Variants in GRID2IP observed in about 807,000 individuals in gnomAD.
GRID2IP encodes the protein delphilin.
In GRID2IP, 78 loss-of-function variants were observed where a neutral mutation model predicts 114.3. The ratio of observed to expected loss-of-function variants is 0.68; its 90% CI spans 0.57 to 0.82. The LOEUF (loss-of-function observed/expected upper bound fraction) is 0.82. Ranked by LOEUF, GRID2IP falls within the 40% of genes least tolerant of loss-of-function variation. The pLI is 0.00. For synonymous variants in GRID2IP, 809 were observed against 724.0 expected (o/e 1.12, Z -1.89); for missense variants, 1,727 against 1,678.5 (o/e 1.03, Z -0.51).
intron 14 of GRID2IP, 109 bp downstream of exon 14, chr7:6,505,711 G>A (rs1786558747): frequency 2.9e-6 from 2 of 699,700 alleles, no homozygotes; most frequent in Non-Finnish European, 5.0e-6. Flanking sequence ...AAGGCTTGAG[G>A]ACGCATCAGG....
intron 2 of GRID2IP, 92 bp downstream of exon 2, chr7:6,539,626 G>C: frequency 8.2e-7 from 1 of 1,222,086 alleles, no homozygotes; most frequent in Non-Finnish European, 1.1e-6. Flanking sequence ...CTCCCACCTG[G>C]GCTGGAAGGG....
chr7:6,521,852 C>A lies in GRID2IP; in HGVS notation c.989+36G>T. 1 of 1,490,466 alleles carries A rather than the reference C, an allele frequency of 6.7e-7. No homozygotes were observed. The highest frequency in any genetic ancestry group is 9.2e-7 in the Non-Finnish European group (1 of 1,091,682). 92.3% of individuals were successfully genotyped at this position (1,490,466 alleles called of 1,614,324 possible). On this transcript the variant is annotated intron_variant, in intron 5 of 21. Transcript: ENST00000457091. The surrounding 1 kb of genome is among the most constrained non-coding windows in gnomAD (Gnocchi z 4.1). ...AGTCTTGCAGGGGGTGGGGGCAGCT[C>A]CTCACCAACCCCTGGTGTCCCCAAT... is the stretch of plus-strand genomic sequence containing the variant.
At chr7:6,538,027 AGAGT>A in intron 2 of GRID2IP, among the ~76,000 whole-genome samples, 1 of 152,208 alleles carries the variant, frequency 6.6e-6, no homozygotes, top group Non-Finnish European at 1.5e-5. Context: ...ATTCAGTGAA[AGAGT>A]GTTCCTCTAG....
At chr7:6,498,347 G>GCCAGGCCCTGTGTCCAACAGGGAA (rs1378678969) in intron 20 of GRID2IP, 119 bp from the exon 21 acceptor site, 12 of 905,674 alleles carry the variant, frequency 1.3e-5, no homozygotes, top group Non-Finnish European at 1.8e-5. Flanking sequence ...CCTTCCAAGG[G>GCCAGGCCCTGTGTCCAACAGGGAA]CCAGGCCCTG....
chr7:6,514,945 C>G (rs1014000205), intron 7 of GRID2IP, among the ~76,000 whole-genome samples: 3 of 142,904 alleles, frequency 2.1e-5, no homozygotes, highest in African/African-American at 8.1e-5. Flanking sequence ...GAGTGAGACT[C>G]CAACTCAAAA....
rs1311313712 is a variant in GRID2IP, at chr7:6,510,683, G to T, written c.1579C>A (p.Pro527Thr). 6.5e-7 allele frequency: 1 copy of T among 1,546,728 alleles called. No individual in the cohort carries two copies. Among genetic ancestry groups the T allele is most frequent in the African/African-American group, 1.4e-5 (1 of 72,734 alleles). ...CGCTCGCCTGGGATCAGGGGAAGAG[G>T]CATCTCAGGGCACTCGCTGGGACCT... is the stretch of plus-strand genomic sequence containing the variant. ...SCGPSECPEM[P>T]LPLIPGERQA... is the part of the protein sequence containing the mutation. Residue 527 changes from proline (P) to threonine (T), a missense_variant, in exon 10 of 22, where the codon CCT becomes ACT. Physicochemically the swap from Pro to Thr is conservative, Grantham distance 38. Coordinates refer to ENST00000457091, the MANE Select transcript of GRID2IP (RefSeq NM_001145118.2).
In GRID2IP at chr7:6,532,855, C is replaced by A. The variant is rs923775457; in HGVS notation, c.585-6086G>T. ...CCAGGGTCAAATCCAGGCACGCTAC[C>A]TCAGAGCCAGGTCTCCGTGGGCACA... On this transcript the variant is annotated intron_variant, in intron 2 of 21. Transcript: ENST00000457091. The surrounding 1 kb of genome is among the most constrained non-coding windows in gnomAD (Gnocchi z 4.4). Among the ~76,000 whole-genome samples, 1 of 152,198 alleles carries A rather than the reference C, an allele frequency of 6.6e-6. No individual in the cohort carries two copies. Among genetic ancestry groups the A allele is most frequent in the Non-Finnish European group, 1.5e-5 (1 of 68,036 alleles).
chr7:6,537,585 G>A (rs1271295677), intron 2 of GRID2IP, among the ~76,000 whole-genome samples: 2 of 150,804 alleles, frequency 1.3e-5, no homozygotes, highest in Non-Finnish European at 2.9e-5. Context: ...TCACTATGTT[G>A]GCCAGGCTAG....
Position 6,509,348 on chromosome 7 carries a change from A to C in GRID2IP, c.1772-35T>G. 6 of 1,457,114 alleles carry C rather than the reference A, an allele frequency of 4.1e-6. No individual in the cohort carries two copies. Among genetic ancestry groups the C allele is most frequent in the Non-Finnish European group, 5.5e-6 (6 of 1,100,730 alleles). 90.3% of individuals were successfully genotyped at this position (1,457,114 alleles called of 1,614,324 possible). ...GGATGGAGTATGAGGATTCCTCTTC[A>C]GCCAGCACCGAGGTTCCAGGTGCAA... On this transcript the variant is annotated intron_variant, in intron 11 of 21. Transcript: ENST00000457091. The surrounding 1 kb of genome is among the most constrained non-coding windows in gnomAD (Gnocchi z 4.9).
chr7:6,509,316 G>A lies in GRID2IP; in HGVS notation c.1772-3C>T. ...GACGCCGGACAGGGTCCTGGGCCCTGGAGGAGGGATGGAGTATGAGGATTC... is the reference window on the plus strand; with the variant it reads ...GACGCCGGACAGGGTCCTGGGCCCTAGAGGAGGGATGGAGTATGAGGATTC... On this transcript the variant is annotated splice_region_variant and splice_polypyrimidine_tract_variant and intron_variant, in intron 11 of 21. Transcript: ENST00000457091. The surrounding 1 kb of genome is among the most constrained non-coding windows in gnomAD (Gnocchi z 4.9). 6.7e-7 allele frequency: 1 copy of A among 1,493,968 alleles called. No homozygotes were observed. Among genetic ancestry groups the A allele is most frequent in the East Asian group, 2.5e-5 (1 of 40,358 alleles). 92.5% of individuals were successfully genotyped at this position (1,493,968 alleles called of 1,614,324 possible).
chr7:6,510,633 G>A lies in GRID2IP; in HGVS notation c.1629C>T (p.Leu543=). The stretch of plus-strand genomic sequence containing the variant: ...CCATCTTGGGGTTGGGGGTCTCAGG[G>A]AGGGACGTGCCGTCGCCTGCCTGGC... ...GERQAGDGTS[L]PETPNPKMMS... is the part of the protein sequence containing the mutation. Residue 543 remains leucine, a synonymous_variant, in exon 10 of 22, where the codon CTC becomes CTT. Transcript: ENST00000457091. 6.5e-7 allele frequency: 1 copy of A among 1,537,836 alleles called. No homozygotes were observed. The highest frequency in any genetic ancestry group is 8.8e-7 in the Non-Finnish European group (1 of 1,142,618).
At chr7:6,503,383 G>C in intron 16 of GRID2IP, 108 bp downstream of exon 16, 2 of 1,163,508 alleles carry the variant, frequency 1.7e-6, no homozygotes, top group Non-Finnish European at 2.3e-6. Flanking sequence ...CAGAGGCTTG[G>C]GCGCAATGGC....
chr7:6,511,798 G>C (rs1261014673), intron 8 of GRID2IP, among the ~76,000 whole-genome samples: 1 of 152,304 alleles, frequency 6.6e-6, no homozygotes, highest in Admixed American at 6.5e-5. Context: ...GGGCACACAA[G>C]GACCAGCAAC....
intron 8 of GRID2IP, among the ~76,000 whole-genome samples, chr7:6,511,773 G>A (rs1490665034): frequency 1.3e-5 from 2 of 152,152 alleles, no homozygotes; most frequent in African/African-American, 2.4e-5. Context: ...GTGGGTCCCT[G>A]GGACTGCAGC....
chr7:6,502,727 G>T (rs541935841), intron 18 of GRID2IP, 59 bp downstream of exon 18: 31 of 1,259,356 alleles, frequency 2.5e-5, no homozygotes, highest in African/African-American at 2.2e-4. Context: ...AGCTAGGCCT[G>T]GCGTTAGCGC....
chr7:6,531,281 G>A (rs1388007901), intron 2 of GRID2IP: 1 of 404,796 alleles, frequency 2.5e-6, no homozygotes, highest in Non-Finnish European at 4.4e-6. Context: ...GCCCCCTCCA[G>A]GTAGCCCCGC....
At chr7:6,538,390 C>T (rs1201529956) in intron 2 of GRID2IP, among the ~76,000 whole-genome samples, 1 of 135,870 alleles carries the variant, frequency 7.4e-6, no homozygotes, top group East Asian at 2.2e-4. Flanking sequence ...CAAAACAAAA[C>T]AAAACAAAAC....
At chr7:6,505,335 A>G (rs1006537060) in intron 14 of GRID2IP, among the ~76,000 whole-genome samples, 10 of 147,512 alleles carry the variant, frequency 6.8e-5, no homozygotes, top group African/African-American at 2.5e-4. Context: ...CTGGTGTTTG[A>G]TCACTGCACA....
chr7:6,512,710 C>A (rs1779201631), intron 8 of GRID2IP, among the ~76,000 whole-genome samples: 1 of 152,036 alleles, frequency 6.6e-6, no homozygotes, highest in Non-Finnish European at 1.5e-5. Flanking sequence ...GAGGTTTCCC[C>A]ATGTTGGCCA....
Sources: allele counts gnomAD v4.1 joint callset (sites outside exome capture counted in the v4.1 genomes callset), GRCh38; gene constraint gnomAD v4.1.1; non-coding constraint Gnocchi (gnomAD v3.1); transcripts MANE v1.5; gene names NCBI Gene and HGNC (gene_info 2026-07-23, HGNC 2026-07-21).